Variants in MOK observed in about 807,000 individuals in gnomAD.
The protein encoded by MOK is MOK protein kinase, also known as MAPK/MAK/MRK overlapping kinase.
A neutral mutation model predicts 54.2 loss-of-function variants in MOK; 59 were observed. That is an observed-to-expected ratio of 1.09 (90% CI 0.88 to 1.35). The LOEUF (loss-of-function observed/expected upper bound fraction) is 1.35, where lower values mean the gene tolerates loss of function less well. MOK is among the 40% of genes most tolerant of loss of function. The probability of loss-of-function intolerance (pLI) is 0.00; values close to 1 mark genes in which losing one functional copy is unlikely to be tolerated. For missense variants in MOK, 517 were observed against 526.2 expected (o/e 0.98, Z 0.17); for synonymous variants, 210 against 202.7 (o/e 1.04, Z -0.31).
chr14:102,224,142 C>T (rs1197235984), downstream of MOK, among the ~76,000 whole-genome samples: 4 of 150,860 alleles, frequency 2.7e-5, no homozygotes, highest in Admixed American at 6.6e-5. Flanking sequence ...CCCGGGTTCA[C>T]GCCATTCTCC....
rs555358961 is a variant in MOK, at chr14:102,230,375, T to C, written c.982-718A>G. The C allele has an allele frequency of 1.1e-4, 17 of 151,742 alleles. No homozygotes were observed. The highest frequency in any genetic ancestry group is 3.9e-4 in the African/African-American group (16 of 41,260). The allele number at this position is 151,742 out of a possible 1,614,324, so 9.4% of individuals were successfully genotyped here. A position where few individuals can be genotyped will look rare whatever the true frequency, so the allele number is the denominator to read the frequency against. On this transcript the variant is annotated intron_variant, in intron 10 of 11. Transcript: ENST00000361847. The surrounding 1 kb of genome is among the most constrained non-coding windows in gnomAD (Gnocchi z 4.1). Reference sequence around the variant, plus strand: ...TTATTTTTAATGACTGAAAAAAAAATGTTTCATGGCATGTGAAAATTATGT... The same window carrying C: ...TTATTTTTAATGACTGAAAAAAAAACGTTTCATGGCATGTGAAAATTATGT...
At chr14:102,297,854 G>C (rs749419487) in intron 1 of MOK, among the ~76,000 whole-genome samples, 1 of 152,176 alleles carries the variant, frequency 6.6e-6, no homozygotes, top group Non-Finnish European at 1.5e-5. Context: ...GGGTGCACCG[G>C]ATACCCTGCA....
chr14:102,283,408 A>G (rs749425742), intron 2 of MOK, 70 bp downstream of exon 2: 2 of 930,848 alleles, frequency 2.1e-6, no homozygotes, highest in Non-Finnish European at 3.3e-6. Flanking sequence ...GCTCCCCCCT[A>G]ATATTAAGTT....
intron 2 of MOK, among the ~76,000 whole-genome samples, chr14:102,275,234 G>A (rs1844281480): frequency 6.6e-6 from 1 of 152,086 alleles, no homozygotes. Flanking sequence ...AAAAACTGAT[G>A]CTTGATCCCT....
Position 102,229,603 on chromosome 14 carries a change from CAT to C in MOK, c.1034_1035del (p.Tyr345CysfsTer57). On this transcript the variant is annotated frameshift_variant, in exon 11 of 12. Coordinates refer to ENST00000361847, the MANE Select transcript of MOK (RefSeq NM_014226.3). LOFTEE classifies it high-confidence loss of function. ...AGCTTTAGTTTGGGCAGTTCCATGA[CAT>C]AGGCCGGTCCTCGTCTCTTGGGACG... is the stretch of plus-strand genomic sequence containing the variant. ...EDRPKRRGPA[Y>X]VMELPKLKLS... is the part of the protein sequence containing the mutation. 2 of 1,614,208 alleles carry C rather than the reference CAT, an allele frequency of 1.2e-6. No individual in the cohort carries two copies. The highest frequency in any genetic ancestry group is 1.7e-6 in the Non-Finnish European group (2 of 1,180,026).
chr14:102,239,057 C>T (rs1456187537), intron 7 of MOK, among the ~76,000 whole-genome samples: 1 of 152,146 alleles, frequency 6.6e-6, no homozygotes. Flanking sequence ...CTCCCAGATC[C>T]CCACAAGAGA....
At chr14:102,220,778 CTT>C (rs1372017738), downstream of MOK, among the ~76,000 whole-genome samples, 2 of 151,208 alleles carry the variant, frequency 1.3e-5, no homozygotes, top group Non-Finnish European at 2.9e-5. This position sits in a 1 kb window ranked among gnomAD's most constrained non-coding sequence, Gnocchi z 4.2. Flanking sequence ...TATTATCTAT[CTT>C]TTCATTTTTT....
At chr14:102,274,209 G>C (rs910872180) in intron 2 of MOK, among the ~76,000 whole-genome samples, 1 of 150,478 alleles carries the variant, frequency 6.6e-6, no homozygotes, top group East Asian at 2.0e-4. Flanking sequence ...TGCCCGCCTC[G>C]GCCTCCCAAA....
Position 102,228,966 on chromosome 14 carries a change from C to T in MOK, c.*323G>A. 2.8e-6 allele frequency: 1 copy of T among 359,722 alleles called. No individual in the cohort carries two copies. The highest frequency in any genetic ancestry group is 5.0e-6 in the Non-Finnish European group (1 of 199,848). 22.3% of individuals were successfully genotyped at this position (359,722 alleles called of 1,614,324 possible). ...ACGCAGAACCCACCTTCCAACCACG[C>T]CCAACACATCACAGAAATGCCTGCT... On this transcript the variant is annotated 3_prime_UTR_variant, in exon 12 of 12. Coordinates refer to ENST00000361847, the MANE Select transcript of MOK (RefSeq NM_014226.3).
chr14:102,266,973 A>G (rs1278355416), intron 2 of MOK, among the ~76,000 whole-genome samples: 1 of 152,224 alleles, frequency 6.6e-6, no homozygotes, highest in African/African-American at 2.4e-5. Context: ...CTCTGCCAAT[A>G]CAAATCATGC....
At chr14:102,267,524 C>T (rs562275206) in intron 2 of MOK, among the ~76,000 whole-genome samples, 4 of 152,142 alleles carry the variant, frequency 2.6e-5, no homozygotes, top group Non-Finnish European at 5.9e-5. Context: ...CAAGATTGTG[C>T]CATTGCACTC....
intron 1 of MOK, among the ~76,000 whole-genome samples, chr14:102,296,290 C>T (rs1406063206): frequency 6.9e-6 from 1 of 145,796 alleles, no homozygotes; most frequent in Non-Finnish European, 1.5e-5. Flanking sequence ...AAAAAAAAAA[C>T]TATGTTCAAG....
chr14:102,304,247 C>T (rs1467626319), intron 1 of MOK, among the ~76,000 whole-genome samples: 2 of 152,112 alleles, frequency 1.3e-5, no homozygotes, highest in Non-Finnish European at 2.9e-5. Flanking sequence ...GGTTCACAAC[C>T]ATAAACAATT....
downstream of MOK, among the ~76,000 whole-genome samples, chr14:102,221,730 G>C (rs1466554236): frequency 6.6e-6 from 1 of 152,198 alleles, no homozygotes; most frequent in Non-Finnish European, 1.5e-5. The surrounding 1 kb of genome is among the most constrained non-coding windows in gnomAD (Gnocchi z 4.8). Flanking sequence ...GCGTGGGCGA[G>C]GCTGAAGGGC....
chr14:102,258,737 A>G (rs2067164873), intron 4 of MOK, among the ~76,000 whole-genome samples: 1 of 152,196 alleles, frequency 6.6e-6, no homozygotes, highest in Non-Finnish European at 1.5e-5. Context: ...TTCTCTTATG[A>G]TATCACTTTC....
rs184090603 is a variant in MOK at position 102,249,462 on chromosome 14, C to A, written c.590+1350G>T. ...CGGTGGCTCATGCCTGTAATCCCAGCACTTTGGGAGGCTGAGGCAGGCGGA... is the reference window on the plus strand; with the variant it reads ...CGGTGGCTCATGCCTGTAATCCCAGAACTTTGGGAGGCTGAGGCAGGCGGA... On this transcript the variant is annotated intron_variant, in intron 7 of 11. Transcript: ENST00000361847. The surrounding 1 kb of genome is among the most constrained non-coding windows in gnomAD (Gnocchi z 5.3). 1.4e-3 allele frequency among the ~76,000 whole-genome samples: 219 copies of A among 152,320 alleles called. 1 individual carries two copies. The highest frequency in any genetic ancestry group is 5.1e-3 in the African/African-American group (214 of 41,560).
At chr14:102,219,393 G>A in the MOK span, among the ~76,000 whole-genome samples, 2 of 152,200 alleles carry the variant, frequency 1.3e-5, no homozygotes, top group Non-Finnish European at 2.9e-5. Context: ...CCTGCCACCC[G>A]GAGTGCTGTG....
rs1326142334 is a variant in MOK at position 102,283,379 on chromosome 14, A to G, written c.122+99T>C. ...CCAAAGAAATCTGATTGTATCTTACATATTATTAAATTAATAAAGCTCCCC... is the reference window on the plus strand; with the variant it reads ...CCAAAGAAATCTGATTGTATCTTACGTATTATTAAATTAATAAAGCTCCCC... On this transcript the variant is annotated intron_variant, in intron 2 of 11. Coordinates refer to ENST00000361847, the MANE Select transcript of MOK (RefSeq NM_014226.3). 16 of 695,022 alleles carry G rather than the reference A, an allele frequency of 2.3e-5. No homozygotes were observed. The South Asian group carries it at 3.4e-4, about 15-fold the overall frequency. The allele number at this position is 695,022 out of a possible 1,614,324, so 43.1% of individuals were successfully genotyped here. A position where few individuals can be genotyped will look rare whatever the true frequency, so the allele number is the denominator to read the frequency against.
the MOK span, among the ~76,000 whole-genome samples, chr14:102,216,635 ATAGC>A: frequency 1.3e-5 from 2 of 152,212 alleles, no homozygotes; most frequent in South Asian, 4.1e-4. Context: ...AAAAATAAAA[ATAGC>A]TAGTTCTCAG....
Sources: allele counts gnomAD v4.1 joint callset (sites outside exome capture counted in the v4.1 genomes callset), GRCh38; gene constraint gnomAD v4.1.1; non-coding constraint Gnocchi (gnomAD v3.1); transcripts MANE v1.5; gene names NCBI Gene and HGNC (gene_info 2026-07-23, HGNC 2026-07-21).